The following MMP17 variants were observed in gnomAD, a reference collection of about 807,000 sequenced individuals.
MMP17 encodes the protein matrix metallopeptidase 17, also known as matrix metalloproteinase-17.
MMP17 carries 54 observed loss-of-function variants against 49.1 expected under a neutral mutation model. That is an observed-to-expected ratio of 1.10 (90% confidence interval 0.88 to 1.38). MMP17 has a LOEUF of 1.38. Among genes scored for constraint, MMP17 ranks in the 40% most tolerant of loss-of-function variants. MMP17 has a pLI of 0.00. For synonymous variants in MMP17, 397 were observed against 383.1 expected, an observed-to-expected ratio of 1.04 and a Z score of -0.42; for missense variants, 837 against 853.7, an observed-to-expected ratio of 0.98 and a Z score of 0.24.
rs556641030 is a variant in MMP17 at position 131,841,477 on chromosome 12, C to G, written c.707-147C>G. 62 of 841,234 alleles carry G rather than the reference C, an allele frequency of 7.4e-5. No homozygotes were observed. The African/African-American group carries it at 9.8e-4, about 13-fold the overall frequency. The allele number at this position is 841,234 out of a possible 1,614,324, so 52.1% of individuals were successfully genotyped here. A position where few individuals can be genotyped will look rare whatever the true frequency, so the allele number is the denominator to read the frequency against. On this transcript the variant is annotated intron_variant, in intron 4 of 9. Transcript: ENST00000360564. Reference sequence around the variant, plus strand: ...AGCCCCCAGGGGAATCGCGTTAATTCCCAGTAACCCTGCAGAATCCCTCTG... The same window carrying G: ...AGCCCCCAGGGGAATCGCGTTAATTGCCAGTAACCCTGCAGAATCCCTCTG...
chr12:131,843,402 C>A (rs1887525004), intron 5 of MMP17, among the ~76,000 whole-genome samples: 1 of 151,384 alleles, frequency 6.6e-6, no homozygotes, highest in Non-Finnish European at 1.5e-5. Flanking sequence ...TGCACTATCA[C>A]ACCTGGCTAA....
intron 1 of MMP17, among the ~76,000 whole-genome samples, chr12:131,835,459 T>C (rs948220548): frequency 6.6e-6 from 1 of 152,194 alleles, no homozygotes; most frequent in South Asian, 2.1e-4. Context: ...TTTCCTGAAA[T>C]GCATGTGGCC....
Position 131,851,153 on chromosome 12 carries a change from C to T in MMP17, c.1691C>T (p.Thr564Ile). ...SEDGYEVCSC[T>I]SGASSPPGAP... ...GACGGTTACGAGGTCTGCTCATGCA[C>T]CTCTGGGGCATCCTCTCCCCCGGGG... Residue 564 changes from threonine (T) to isoleucine (I), a missense_variant, in exon 10 of 10, where the codon ACC becomes ATC. By Grantham distance (89) the Thr-to-Ile change is moderately conservative. Coordinates refer to ENST00000360564, the MANE Select transcript of MMP17 (RefSeq NM_016155.7). 1 of 1,536,550 alleles carries T rather than the reference C, an allele frequency of 6.5e-7. No homozygotes were observed. Among genetic ancestry groups the T allele is most frequent in the Non-Finnish European group, 8.8e-7 (1 of 1,139,800 alleles).
chr12:131,838,585 G>A, intron 2 of MMP17, 27 bp from the exon 3 acceptor site: 2 of 1,602,582 alleles, frequency 1.2e-6, no homozygotes, highest in Non-Finnish European at 1.7e-6. Context: ...GCTGGGCTAG[G>A]CTCTGAGCTC....
At chr12:131,838,764 G>A (rs757693537) in intron 3 of MMP17, 23 bp downstream of exon 3, 2 of 1,531,450 alleles carry the variant, frequency 1.3e-6, no homozygotes, top group Non-Finnish European at 1.8e-6. Flanking sequence ...CCAGGGTGAG[G>A]AGCGGGGCCT....
chr12:131,841,283 T>G (rs7958221), intron 4 of MMP17, among the ~76,000 whole-genome samples: 94,006 of 152,128 alleles, frequency 0.62, 29,245 homozygotes, highest in African/African-American at 0.69. Context: ...GGGCCAGGGG[T>G]CAGTGCCCAC....
At chr12:131,840,930 C>T in intron 4 of MMP17, 74 bp downstream of exon 4, 1 of 1,454,548 alleles carries the variant, frequency 6.9e-7, no homozygotes, top group African/African-American at 1.4e-5. Context: ...AGCCATGGCC[C>T]CCCCATCCCC....
chr12:131,836,187 G>T (rs1470544374), intron 1 of MMP17, among the ~76,000 whole-genome samples: 2 of 152,142 alleles, frequency 1.3e-5, no homozygotes, highest in Admixed American at 1.3e-4. Flanking sequence ...TTGGAAAGGG[G>T]GTAAAGGCAC....
intron 6 of MMP17, 169 bp from the exon 7 acceptor site, chr12:131,844,941 AAGCGGTGG>A: frequency 1.6e-6 from 1 of 623,016 alleles, no homozygotes; most frequent in Non-Finnish European, 2.8e-6. Context: ...CCGCCCGCTG[AAGCGGTGG>A]ACAGGCACCC....
rs1470302948 is a variant in MMP17, at chr12:131,838,305, C to A, written c.270C>A (p.Gly90=). The change falls in exon 2 of 10, where the codon GGC becomes GGA. Residue 90 remains glycine, a synonymous_variant. Transcript: ENST00000360564. ...KAITAMQQFG[G]LEATGILDEA... Reference sequence around the variant, plus strand: ...TCACAGCCATGCAGCAGTTTGGTGGCCTGGAGGCCACCGGCATCCTGGGTC... The same window carrying A: ...TCACAGCCATGCAGCAGTTTGGTGGACTGGAGGCCACCGGCATCCTGGGTC... 2 of 1,613,102 alleles carry A rather than the reference C, an allele frequency of 1.2e-6. No individual in the cohort carries two copies. The highest frequency in any genetic ancestry group is 2.2e-5 in the South Asian group (2 of 91,076).
chr12:131,838,576 C>A, intron 2 of MMP17, 36 bp from the exon 3 acceptor site: 1 of 1,588,040 alleles, frequency 6.3e-7, no homozygotes, highest in Non-Finnish European at 8.6e-7. Context: ...GGGGAGTGAG[C>A]TGGGCTAGGC....
chr12:131,849,712 G>A (rs1386313258), intron 8 of MMP17, 90 bp from the exon 9 acceptor site: 10 of 1,473,676 alleles, frequency 6.8e-6, no homozygotes, highest in Middle Eastern at 1.8e-4. Flanking sequence ...CAGGGCAAGG[G>A]CGGCTGACAC....
At chr12:131,845,504 T>C in intron 8 of MMP17, 55 bp downstream of exon 8, 2 of 1,512,138 alleles carry the variant, frequency 1.3e-6, no homozygotes, top group Non-Finnish European at 1.8e-6. Context: ...GTCCGCCTCA[T>C]GGAGGGACGG....
chr12:131,838,472 G>C (rs1214621358), intron 2 of MMP17, 140 bp from the exon 3 acceptor site: 3 of 1,445,660 alleles, frequency 2.1e-6, no homozygotes, highest in South Asian at 1.4e-5. Context: ...GCCTGGGGCT[G>C]GTCCCCCAAA....
intron 1 of MMP17, among the ~76,000 whole-genome samples, chr12:131,831,833 G>GA (rs1886818739): frequency 3.2e-5 from 2 of 61,572 alleles, no homozygotes; most frequent in Non-Finnish European, 6.5e-5. Flanking sequence ...GGATCTGGGG[G>GA]GGGACGGGAA....
chr12:131,830,822 G>A (rs1886754352), intron 1 of MMP17, among the ~76,000 whole-genome samples: 1 of 152,192 alleles, frequency 6.6e-6, no homozygotes, highest in South Asian at 2.1e-4. Context: ...CTGGGCTGCG[G>A]AGCCGGGCTT....
chr12:131,838,523 G>C, intron 2 of MMP17, 89 bp from the exon 3 acceptor site: 1 of 1,506,340 alleles, frequency 6.6e-7, no homozygotes, highest in Non-Finnish European at 8.9e-7. Flanking sequence ...GCTGGTGCCA[G>C]AGTCAGGGCT....
intron 1 of MMP17, among the ~76,000 whole-genome samples, chr12:131,837,741 T>C (rs550471621): frequency 2.6e-5 from 4 of 152,320 alleles, no homozygotes; most frequent in South Asian, 2.1e-4. Context: ...GATGGAGTCT[T>C]GCTCTGTCGC....
intron 6 of MMP17, chr12:131,844,696 G>A (rs1216895310): frequency 4.1e-6 from 1 of 244,676 alleles, no homozygotes; most frequent in South Asian, 6.2e-5. Flanking sequence ...GTCGTCTCTC[G>A]GTGGACATGC....
Sources: allele counts gnomAD v4.1 joint callset (sites outside exome capture counted in the v4.1 genomes callset), GRCh38; gene constraint gnomAD v4.1.1; transcripts MANE v1.5; gene names NCBI Gene and HGNC (gene_info 2026-07-23, HGNC 2026-07-21).